The following LINGO2 variants were observed in gnomAD, a reference collection of about 807,000 sequenced individuals.
LINGO2 encodes the protein leucine-rich repeat and immunoglobulin-like domain-containing nogo receptor-interacting protein 2.
In LINGO2, 14 loss-of-function variants were observed where a neutral mutation model predicts 30.6. The observed-to-expected ratio is 0.46, with a 90% CI of 0.30 to 0.72. The LOEUF (loss-of-function observed/expected upper bound fraction) is 0.72. Ranked by LOEUF, LINGO2 falls within the 30% of genes least tolerant of loss-of-function variation. The probability of loss-of-function intolerance (pLI) is 0.07; values close to 1 mark genes in which losing one functional copy is unlikely to be tolerated. For missense variants in LINGO2, 729 were observed against 751.7 expected (o/e 0.97, Z 0.35); for synonymous variants, 317 against 288.5 (o/e 1.10, Z -1.00).
the LINGO2 span, among the ~76,000 whole-genome samples, chr9:29,037,456 T>A: frequency 6.6e-6 from 1 of 151,990 alleles, no homozygotes; most frequent in Admixed American, 6.6e-5. Context: ...CAAAGTAGAT[T>A]CTAGTTTTCT....
intron 4 of LINGO2, among the ~76,000 whole-genome samples, chr9:28,231,566 T>C (rs1272736425): frequency 6.6e-6 from 1 of 152,094 alleles, no homozygotes; most frequent in Non-Finnish European, 1.5e-5. Context: ...TATCATACAT[T>C]TGGGAACAAG....
intron 4 of LINGO2, among the ~76,000 whole-genome samples, chr9:28,221,160 G>T (rs1264475617): frequency 6.6e-6 from 1 of 151,846 alleles, no homozygotes; most frequent in Non-Finnish European, 1.5e-5. Context: ...TTAGCCGGGC[G>T]TGGTGGCGGG....
chr9:28,213,550 T>G (rs1820666254), intron 4 of LINGO2, among the ~76,000 whole-genome samples: 1 of 151,456 alleles, frequency 6.6e-6, no homozygotes, highest in Non-Finnish European at 1.5e-5. Flanking sequence ...AAACACATTT[T>G]TCCTGGATCC....
chr9:28,174,286 TC>T (rs1257093403), intron 4 of LINGO2, among the ~76,000 whole-genome samples: 1 of 152,200 alleles, frequency 6.6e-6, no homozygotes, highest in East Asian at 1.9e-4. Flanking sequence ...AATGTTCTCT[TC>T]TTTAAGATTA....
chr9:28,318,177 T>C (rs1432405845), intron 3 of LINGO2, among the ~76,000 whole-genome samples: 1 of 152,220 alleles, frequency 6.6e-6, no homozygotes, highest in Non-Finnish European at 1.5e-5. Flanking sequence ...AAAGCACTTC[T>C]GTCCTTATAA....
the LINGO2 span, among the ~76,000 whole-genome samples, chr9:28,848,055 A>AG: frequency 2.8e-4 from 16 of 56,678 alleles, 1 homozygote; most frequent in East Asian, 7.8e-3. Context: ...GTATATATAT[A>AG]TATATATGTA....
chr9:28,304,248 GTATA>G (rs143008292), intron 3 of LINGO2, among the ~76,000 whole-genome samples: 1 of 148,898 alleles, frequency 6.7e-6, no homozygotes, highest in Non-Finnish European at 1.5e-5. Context: ...AATTTAAAAT[GTATA>G]TATATATATA....
chr9:28,697,403 C>G, the LINGO2 span, among the ~76,000 whole-genome samples: 25 of 151,970 alleles, frequency 1.6e-4, no homozygotes, highest in African/African-American at 6.0e-4. Context: ...AGAATAAAAA[C>G]CGACTATATA....
Position 28,505,465 on chromosome 9 carries a change from T to G in LINGO2, c.-364-29440A>C, listed in dbSNP as rs192369869. Among the ~76,000 whole-genome samples, 102 of 152,074 alleles carry G rather than the reference T, an allele frequency of 6.7e-4. 1 individual carries two copies. The highest frequency in any genetic ancestry group is 2.4e-3 in the African/African-American group (99 of 41,550). ...TTATTAAGTTTTGGAAAGTTGAAAA[T>G]GAATGTCTGTTTAGTTATGTTTCTA... On this transcript the variant is annotated intron_variant, in intron 1 of 5. Coordinates refer to ENST00000379992, the Ensembl canonical transcript of LINGO2.
intron 4 of LINGO2, among the ~76,000 whole-genome samples, chr9:28,221,257 G>A (rs1013893647): frequency 1.4e-4 from 19 of 135,976 alleles, no homozygotes; most frequent in Non-Finnish European, 2.1e-4. Flanking sequence ...CGGAGATGGC[G>A]CCACTGCAGT....
At chr9:28,423,639 T>C (rs1200639803) in intron 2 of LINGO2, among the ~76,000 whole-genome samples, 3 of 152,220 alleles carry the variant, frequency 2.0e-5, no homozygotes, top group Non-Finnish European at 2.9e-5. Flanking sequence ...AAAAATCTTA[T>C]AGTAGCTCTA....
chr9:28,657,893 C>T (rs1828424254), intron 1 of LINGO2, among the ~76,000 whole-genome samples: 1 of 151,900 alleles, frequency 6.6e-6, no homozygotes, highest in East Asian at 1.9e-4. Flanking sequence ...TAGCTACAAA[C>T]TTCCCTTTAA....
rs369259236 is a variant in LINGO2, at chr9:28,147,355, G to A, written c.-86-134950C>T. Among the ~76,000 whole-genome samples the A allele has an allele frequency of 1.9e-3, 286 of 152,302 alleles. 5 individuals are homozygous for A. The South Asian group carries it at 0.04, about 21-fold the overall frequency. On this transcript the variant is annotated intron_variant, in intron 4 of 5. Coordinates refer to ENST00000379992, the Ensembl canonical transcript of LINGO2. This position sits in a 1 kb window ranked among gnomAD's most constrained non-coding sequence, Gnocchi z 4.7. ...CTCAGGCAAATTTGTAAAAAGTGGA[G>A]ACCCTGCCTGCCAGGGAGGCATGTG...
chr9:28,596,660 T>C (rs901944781), intron 1 of LINGO2, among the ~76,000 whole-genome samples: 7 of 152,210 alleles, frequency 4.6e-5, no homozygotes, highest in African/African-American at 1.7e-4. Context: ...GTAAAGTCAT[T>C]GCAAATATTT....
chr9:28,325,644 G>T (rs913878380), intron 3 of LINGO2, among the ~76,000 whole-genome samples: 1 of 151,988 alleles, frequency 6.6e-6, no homozygotes, highest in Non-Finnish European at 1.5e-5. Context: ...ATTCTGTCTC[G>T]TCTGTCACCA....
At position 28,003,356 on chromosome 9, in the gene LINGO2, TAG is replaced by T. The variant is rs1378997154; in HGVS notation, c.-36+8997_-36+8998del. 3.8e-3 allele frequency among the ~76,000 whole-genome samples: 499 copies of T among 132,092 alleles called. 3 individuals are homozygous for T. The highest frequency in any genetic ancestry group is 7.2e-3 in the Middle Eastern group (2 of 278). The allele number at this position is 132,092 out of a possible 152,430, so 86.7% of individuals were successfully genotyped here. On this transcript the variant is annotated intron_variant, in intron 5 of 5. Transcript: ENST00000379992. ...ATATATAGATATATAGATAGATAGA[TAG>T]ATAGATAGATAGATAGATAGATAGA...
chr9:28,252,806 G>A (rs988896100), intron 4 of LINGO2, among the ~76,000 whole-genome samples: 5 of 152,000 alleles, frequency 3.3e-5, no homozygotes, highest in African/African-American at 1.2e-4. Flanking sequence ...AATAGTACAA[G>A]ATGTGGAAAT....
At chr9:27,949,170 T>C (rs748631245) in exon 6 of LINGO2, 2 of 1,614,090 alleles carry the variant, frequency 1.2e-6, no homozygotes, top group Non-Finnish European at 1.7e-6. Flanking sequence ...AGCGAATCCT[T>C]TCACAGTTAA....
At chr9:28,720,479 T>C in the LINGO2 span, among the ~76,000 whole-genome samples, 2 of 152,074 alleles carry the variant, frequency 1.3e-5, no homozygotes, top group African/African-American at 4.8e-5. Flanking sequence ...TTAAAATTCA[T>C]ATTTAGATAT....
Sources: gnomAD v4.1 joint callset for allele counts (sites outside exome capture counted in the v4.1 genomes callset) on GRCh38, gnomAD v4.1.1 for gene constraint, Gnocchi (gnomAD v3.1) non-coding constraint, MANE v1.5 for transcripts, NCBI Gene and HGNC (gene_info 2026-07-23, HGNC 2026-07-21) for gene names.